The following METTL24 variants were observed in gnomAD, a reference collection of about 807,000 sequenced individuals.
The protein encoded by METTL24 is methyltransferase like 24, also known as probable methyltransferase-like protein 24.
A neutral mutation model predicts 32.7 loss-of-function variants in METTL24; 29 were observed. That is an observed-to-expected ratio of 0.89 (90% CI 0.66 to 1.21). The LOEUF is 1.21. Ranked by LOEUF, METTL24 falls within the 50% of genes most tolerant of loss-of-function variation. The pLI, the probability that METTL24 is intolerant of heterozygous loss-of-function variation, is 0.00. For missense variants in METTL24, 439 were observed against 468.1 expected (o/e 0.94, Z 0.57); for synonymous variants, 163 against 179.5 (o/e 0.91, Z 0.73).
At chr6:110,354,068 A>C (rs1295447924) in intron 1 of METTL24, among the ~76,000 whole-genome samples, 1 of 152,234 alleles carries the variant, frequency 6.6e-6, no homozygotes, top group Non-Finnish European at 1.5e-5. Context: ...ATGCTTAAAG[A>C]ATCTGTAATA....
At chr6:110,300,183 C>T (rs1271427417) in intron 3 of METTL24, among the ~76,000 whole-genome samples, 2 of 152,116 alleles carry the variant, frequency 1.3e-5, no homozygotes, top group Non-Finnish European at 2.9e-5. Context: ...CAGGAGCCTA[C>T]TGATATGAAG....
intron 1 of METTL24, among the ~76,000 whole-genome samples, chr6:110,330,897 T>C (rs1038676755): frequency 1.3e-5 from 2 of 152,144 alleles, no homozygotes; most frequent in African/African-American, 4.8e-5. Flanking sequence ...ATATGAAGAA[T>C]CAGGAAAATC....
intron 1 of METTL24, among the ~76,000 whole-genome samples, chr6:110,347,041 C>T (rs1430299329): frequency 6.6e-6 from 1 of 151,952 alleles, no homozygotes; most frequent in Non-Finnish European, 1.5e-5. Flanking sequence ...GGACATTGAT[C>T]CTTTATTGGT....
At position 110,299,037 on chromosome 6, in the gene METTL24, C is replaced by A. The variant is rs1156229696; in HGVS notation, c.671G>T (p.Trp224Leu). The A allele has an allele frequency of 6.2e-7, 1 of 1,614,010 alleles. No individual in the cohort carries two copies. Among genetic ancestry groups the A allele is most frequent in the Non-Finnish European group, 8.5e-7 (1 of 1,180,028 alleles). ...CCAGTCAATGGACAAGCGGTGATAC[C>A]AAAGGTGCTGACTCTCCAGAATGTG... ...SAHILESQHLWYHRLSIDWRD... is the reference protein window; with the variant it reads ...SAHILESQHLLYHRLSIDWRD... Residue 224 changes from tryptophan to leucine, a missense_variant, in exon 4 of 5, where the codon TGG becomes TTG. Physicochemically the swap from Trp to Leu is moderately conservative, Grantham distance 61. Transcript: ENST00000338882.
chr6:110,255,095 C>G (rs1355485078), intron 4 of METTL24, among the ~76,000 whole-genome samples: 1 of 151,896 alleles, frequency 6.6e-6, no homozygotes, highest in Non-Finnish European at 1.5e-5. Context: ...TGAGGTTTGC[C>G]CTACAGATTA....
chr6:110,356,889 C>T (rs974775896), intron 1 of METTL24, among the ~76,000 whole-genome samples: 2 of 152,132 alleles, frequency 1.3e-5, no homozygotes, highest in African/African-American at 2.4e-5. Context: ...GGGCGAGGCC[C>T]GAAGGAAGCG....
At chr6:110,265,891 C>T (rs1278748541) in intron 4 of METTL24, among the ~76,000 whole-genome samples, 3 of 151,362 alleles carry the variant, frequency 2.0e-5, no homozygotes, top group Non-Finnish European at 2.9e-5. Context: ...CCTCTTCCTC[C>T]TCCTCCTCCT....
At chr6:110,310,513 T>C (rs923192954) in intron 3 of METTL24, among the ~76,000 whole-genome samples, 7 of 152,160 alleles carry the variant, frequency 4.6e-5, no homozygotes, top group African/African-American at 1.7e-4. Context: ...ATGTAGATGA[T>C]ATTGTCATCT....
chr6:110,304,601 G>A (rs906318845), intron 3 of METTL24, among the ~76,000 whole-genome samples: 2 of 152,216 alleles, frequency 1.3e-5, no homozygotes, highest in Admixed American at 6.5e-5. Flanking sequence ...GAAATAAAGT[G>A]TGAAGACAAG....
Position 110,322,798 on chromosome 6 carries a change from G to C in METTL24, c.393C>G (p.Phe131Leu). Residue 131 changes from phenylalanine (F) to leucine (L), a missense_variant, in exon 2 of 5, where the codon TTC becomes TTG. Transcript: ENST00000338882. The stretch of plus-strand genomic sequence containing the variant: ...CCTGGGTGGTGCTGATATATCTCAG[G>C]AACCTCCAGGCTTCTTCATCCAGGG... ...AQSLDEEAWR[F>L]LRYISTTQIA... 1 of 1,613,788 alleles carries C rather than the reference G, an allele frequency of 6.2e-7. No individual in the cohort carries two copies. The highest frequency in any genetic ancestry group is 8.5e-7 in the Non-Finnish European group (1 of 1,179,800).
At chr6:110,318,623 G>A (rs1335772204) in intron 2 of METTL24, among the ~76,000 whole-genome samples, 1 of 138,038 alleles carries the variant, frequency 7.2e-6, no homozygotes, top group Non-Finnish European at 1.5e-5. Context: ...CTGCACTTCA[G>A]CCTGGGCAAC....
chr6:110,308,285 G>A (rs984410038), intron 3 of METTL24, among the ~76,000 whole-genome samples: 2 of 152,154 alleles, frequency 1.3e-5, no homozygotes, highest in Admixed American at 6.5e-5. Context: ...CACTGCTGAA[G>A]GGCAGAAGGG....
At chr6:110,336,970 G>A (rs1320727724) in intron 1 of METTL24, among the ~76,000 whole-genome samples, 5 of 152,086 alleles carry the variant, frequency 3.3e-5, no homozygotes, top group Non-Finnish European at 7.4e-5. Flanking sequence ...ACACATGCAC[G>A]TGAATGTTCA....
At chr6:110,317,780 T>TA (rs1771852853) in intron 2 of METTL24, among the ~76,000 whole-genome samples, 1 of 152,110 alleles carries the variant, frequency 6.6e-6, no homozygotes, top group East Asian at 1.9e-4. Flanking sequence ...TTTCTCAACA[T>TA]ACGGTCCGCC....
chr6:110,291,149 T>C (rs573506343), intron 4 of METTL24, among the ~76,000 whole-genome samples: 3 of 152,318 alleles, frequency 2.0e-5, no homozygotes, highest in Admixed American at 1.3e-4. Flanking sequence ...CTAGTTTTTA[T>C]GTTCTTCACA....
At chr6:110,318,268 C>A (rs555284091) in intron 2 of METTL24, among the ~76,000 whole-genome samples, 1 of 152,340 alleles carries the variant, frequency 6.6e-6, no homozygotes, top group African/African-American at 2.4e-5. Flanking sequence ...CAGATTTCAT[C>A]TTGGACAGAT....
intron 4 of METTL24, among the ~76,000 whole-genome samples, chr6:110,296,352 C>T (rs1218159404): frequency 1.3e-5 from 2 of 152,166 alleles, no homozygotes; most frequent in Non-Finnish European, 2.9e-5. Flanking sequence ...TAACAATAAC[C>T]ACTTCTGCAA....
chr6:110,258,545 A>G (rs1174453305), intron 4 of METTL24, among the ~76,000 whole-genome samples: 1 of 152,092 alleles, frequency 6.6e-6, no homozygotes, highest in Non-Finnish European at 1.5e-5. Context: ...GAATGGATGT[A>G]TGGACAAACA....
rs544432636 is a variant in METTL24, at chr6:110,253,790, A to G, written c.787-7530T>C. ...AACACACATTTTCTACAAAATTGAA[A>G]TTATCCTATGTTTTCAAATCTGCTT... On this transcript the variant is annotated intron_variant, in intron 4 of 4. Coordinates refer to ENST00000338882, the MANE Select transcript of METTL24 (RefSeq NM_001123364.3). The G allele has an allele frequency of 6.2e-5, 61 of 984,898 alleles. No individual in the cohort carries two copies. In the African/African-American group the frequency reaches 9.9e-4, roughly 16 times the overall value. 61.0% of individuals were successfully genotyped at this position (984,898 alleles called of 1,614,324 possible).
Sources: gnomAD v4.1 joint callset for allele counts (sites outside exome capture counted in the v4.1 genomes callset) on GRCh38, gnomAD v4.1.1 for gene constraint, MANE v1.5 for transcripts, NCBI Gene and HGNC (gene_info 2026-07-23, HGNC 2026-07-21) for gene names.